The following SPPL2B variants were observed in gnomAD, a reference collection of about 807,000 sequenced individuals.
SPPL2B encodes signal peptide peptidase-like 2B.
In SPPL2B, 39 loss-of-function variants were observed where a neutral mutation model predicts 59.7. That is an observed-to-expected ratio of 0.65 (90% CI 0.51 to 0.85). The LOEUF is 0.85. Ranked by LOEUF, SPPL2B falls within the 40% of genes least tolerant of loss-of-function variation. The pLI is 0.00. For synonymous variants in SPPL2B, 419 were observed against 370.8 expected, an observed-to-expected ratio of 1.13 and a Z score of -1.49; for missense variants, 865 against 849.0, an observed-to-expected ratio of 1.02 and a Z score of -0.23.
intron 4 of SPPL2B, 56 bp downstream of exon 4, chr19:2,338,897 G>C (rs1057079187): frequency 1.3e-6 from 2 of 1,567,164 alleles, no homozygotes; most frequent in African/African-American, 1.4e-5. Flanking sequence ...AGGGGGCTTC[G>C]GGCTGGCTGC....
rs1970014264 is a variant in SPPL2B, at chr19:2,353,005, A to G, written c.1575A>G (p.Lys525=). ...CAGCCGACGGCCCGCAGCCTCCCAA[A>G]GACTCTGCCACGCCACTCTCCCCGC... ...PAPADGPQPP[K]DSATPLSPQP... The change falls in exon 15 of 15, where the codon AAA becomes AAG. Residue 525 remains lysine (K), a synonymous_variant. Transcript: ENST00000613503. 6.2e-7 allele frequency: 1 copy of G among 1,611,890 alleles called. No individual in the cohort carries two copies. Among genetic ancestry groups the G allele is most frequent in the Non-Finnish European group, 8.5e-7 (1 of 1,179,666 alleles).
rs374363342 is a variant in SPPL2B at position 2,345,327 on chromosome 19, A to G, written c.1351A>G (p.Ile451Val). 56 of 1,612,824 alleles carry G rather than the reference A, an allele frequency of 3.5e-5. No individual in the cohort carries two copies. The African/African-American group carries it at 4.4e-4, about 13-fold the overall frequency. Residue 451 changes from isoleucine (I) to valine (V), a missense_variant, in exon 13 of 15, where the codon ATC becomes GTC. By Grantham distance (29) the Ile-to-Val change is conservative. Coordinates refer to ENST00000613503, the MANE Select transcript of SPPL2B (RefSeq NM_152988.3). ...SSRVYFVACT[I>V]AYGVGLLVTF... ...CAGGGTATACTTCGTGGCCTGCACC[A>G]TCGGTAAGTGCCTCGGTTGGGCCCG...
chr19:2,337,773 A>G (rs1369446462), intron 3 of SPPL2B, 148 bp downstream of exon 3: 4 of 803,252 alleles, frequency 5.0e-6, no homozygotes, highest in Non-Finnish European at 5.6e-6. Context: ...GAGTGTGAAC[A>G]TGGGGAGGAT....
At chr19:2,334,495 G>T (rs1359010045) in intron 1 of SPPL2B, 107 bp from the exon 2 acceptor site, 7 of 1,438,444 alleles carry the variant, frequency 4.9e-6, no homozygotes, top group African/African-American at 1.4e-5. Flanking sequence ...GGTGAACATG[G>T]GCGCCCTTCC....
At chr19:2,352,884 C>A (rs901254465) in intron 14 of SPPL2B, 62 bp from the exon 15 acceptor site, 2 of 1,585,818 alleles carry the variant, frequency 1.3e-6, no homozygotes, top group African/African-American at 1.3e-5. Context: ...TGTCCTGGCC[C>A]CTGCCAGGGT....
chr19:2,336,462 CGTGTGTGTGCATGA>C (rs1194658086), intron 2 of SPPL2B, among the ~76,000 whole-genome samples: 1 of 150,264 alleles, frequency 6.7e-6, no homozygotes, highest in Non-Finnish European at 1.5e-5. Context: ...TGTTTGGGTT[CGTGTGTGTGCATGA>C]GTGTGTGTGA....
At chr19:2,339,308 G>A (rs1599217166) in intron 5 of SPPL2B, 100 bp downstream of exon 5, 8 of 1,350,552 alleles carry the variant, frequency 5.9e-6, no homozygotes, top group South Asian at 1.3e-5. Flanking sequence ...CTTTGGCCTC[G>A]GCAGGCACGG....
intron 14 of SPPL2B, among the ~76,000 whole-genome samples, chr19:2,352,152 C>A (rs1969962258): frequency 6.7e-6 from 1 of 150,056 alleles, no homozygotes; most frequent in South Asian, 2.1e-4. Flanking sequence ...CGGTTCTGCT[C>A]TTGTGATTTT....
intron 2 of SPPL2B, among the ~76,000 whole-genome samples, chr19:2,335,979 A>AGAT (rs1968579160): frequency 6.9e-6 from 1 of 144,858 alleles, no homozygotes; most frequent in African/African-American, 2.7e-5. Context: ...GTGTGTGAAC[A>AGAT]CATAGGTGTG....
chr19:2,335,888 T>G (rs905786536), intron 2 of SPPL2B, among the ~76,000 whole-genome samples: 1 of 152,252 alleles, frequency 6.6e-6, no homozygotes. Context: ...GTAATCAGTA[T>G]GTGCCTGGAC....
chr19:2,329,612 A>G (rs1968173587), intron 1 of SPPL2B, among the ~76,000 whole-genome samples: 3 of 151,862 alleles, frequency 2.0e-5, no homozygotes, highest in South Asian at 4.1e-4. Context: ...AACCTTCACT[A>G]CCCCCTCAGA....
At chr19:2,341,245 G>T (rs1969029676) in intron 8 of SPPL2B, 4 of 675,544 alleles carry the variant, frequency 5.9e-6, no homozygotes, top group Admixed American at 2.0e-5. Flanking sequence ...GGGAGGAGAG[G>T]CCGGAGCCCC....
intron 10 of SPPL2B, 39 bp from the exon 11 acceptor site, chr19:2,344,323 C>T: frequency 7.6e-7 from 1 of 1,323,134 alleles, no homozygotes; most frequent in Middle Eastern, 2.1e-4. Context: ...CCCCCCCACC[C>T]CATCACCACG....
chr19:2,347,082 C>T (rs1969413941), intron 13 of SPPL2B, among the ~76,000 whole-genome samples: 3 of 152,178 alleles, frequency 2.0e-5, no homozygotes, highest in Admixed American at 2.0e-4. Context: ...CTCAGAGGGA[C>T]TGGTCATTTC....
chr19:2,349,033 A>G (rs1422591305), intron 13 of SPPL2B, among the ~76,000 whole-genome samples: 1 of 122,572 alleles, frequency 8.2e-6, no homozygotes, highest in Non-Finnish European at 1.7e-5. Context: ...CTCTCTCTCC[A>G]CACACACTCA....
At chr19:2,347,138 C>A (rs569511763) in intron 13 of SPPL2B, among the ~76,000 whole-genome samples, 1 of 146,826 alleles carries the variant, frequency 6.8e-6, no homozygotes, top group East Asian at 2.0e-4. Context: ...CACACACTTA[C>A]GCGCTCTCAT....
At chr19:2,345,417 C>T (rs1190624928) in intron 13 of SPPL2B, 87 bp downstream of exon 13, 4 of 1,065,530 alleles carry the variant, frequency 3.8e-6, no homozygotes, top group Middle Eastern at 2.0e-4. Context: ...ACCCCTAACC[C>T]CAACCCCAAC....
rs1296494725 is a variant in SPPL2B, at chr19:2,353,995, G to T, written c.*786G>T. ...CAGACTGCCCTTCTGACAAGCAGGG[G>T]TGGGCGCCAGGCAGGCTGGGTCAGG... On this transcript the variant is annotated 3_prime_UTR_variant, in exon 15 of 15. Transcript: ENST00000613503. 3 of 152,250 alleles carry T rather than the reference G, an allele frequency of 2.0e-5. No homozygotes were observed. Among genetic ancestry groups the T allele is most frequent in the Admixed American group, 6.5e-5 (1 of 15,284 alleles). 9.4% of individuals were successfully genotyped at this position (152,250 alleles called of 1,614,324 possible). A position where few individuals can be genotyped will look rare whatever the true frequency, so the allele number is the denominator to read the frequency against.
chr19:2,346,822 G>A (rs1367185164), intron 13 of SPPL2B, among the ~76,000 whole-genome samples: 10 of 152,194 alleles, frequency 6.6e-5, no homozygotes, highest in Admixed American at 5.2e-4. Context: ...GTCTGTCTGC[G>A]TCTGTTGATG....
Sources: allele counts gnomAD v4.1 joint callset (sites outside exome capture counted in the v4.1 genomes callset), GRCh38; gene constraint gnomAD v4.1.1; transcripts MANE v1.5; gene names NCBI Gene and HGNC (gene_info 2026-07-23, HGNC 2026-07-21).